The following KPNA6 variants were observed in gnomAD, a reference collection of about 807,000 sequenced individuals.
The protein encoded by KPNA6 is karyopherin subunit alpha 6, also known as importin subunit alpha-7.
Under a neutral mutation model 72.0 loss-of-function variants are expected in KPNA6, and 9 were observed. The ratio of observed to expected loss-of-function variants is 0.13; its 90% confidence interval spans 0.08 to 0.22. The LOEUF (loss-of-function observed/expected upper bound fraction) is 0.22, where lower values mean the gene tolerates loss of function less well. KPNA6 is among the 10% of genes least tolerant of loss of function. The pLI, the probability that KPNA6 is intolerant of heterozygous loss-of-function variation, is 1.00. For missense variants in KPNA6, 374 were observed against 655.7 expected (o/e 0.57, Z 4.69); for synonymous variants, 219 against 242.1 (o/e 0.90, Z 0.89).
intron 2 of KPNA6, among the ~76,000 whole-genome samples, chr1:32,156,236 C>T (rs1642140662): frequency 6.6e-6 from 1 of 152,032 alleles, no homozygotes; most frequent in Non-Finnish European, 1.5e-5. Context: ...TCAATAGTCT[C>T]CTCTTCTCTT....
At chr1:32,163,413 G>A in intron 10 of KPNA6, 100 bp downstream of exon 10, 2 of 803,098 alleles carry the variant, frequency 2.5e-6, no homozygotes, top group East Asian at 2.7e-5. Context: ...CTGTGGTCCT[G>A]ATGGGAGGCA....
At position 32,167,228 on chromosome 1, in the gene KPNA6, T is replaced by C. The variant is rs578112234; in HGVS notation, c.1176T>C (p.Phe392=). The change falls in exon 12 of 14, where the codon TTT becomes TTC. Residue 392 remains phenylalanine (F), a synonymous_variant. Coordinates refer to ENST00000373625, the MANE Select transcript of KPNA6 (RefSeq NM_012316.5). ...VLIEILQKAE[F]RTRKEAAWAI... The stretch of plus-strand genomic sequence containing the variant: ...TCGAAATCCTTCAGAAAGCAGAGTT[T>C]CGTACAAGGAAAGAGGCAGCCTGGG... 1.2e-6 allele frequency: 2 copies of C among 1,613,944 alleles called. No individual in the cohort carries two copies. The highest frequency in any genetic ancestry group is 1.7e-6 in the Non-Finnish European group (2 of 1,179,962).
rs1012749545 is a variant in KPNA6, at chr1:32,171,626, T to C, written c.*732T>C. ...GACTCTTTGCCCAGACCTCTTTAGT[T>C]TGGGGGATCCTCCTCACTCTCCTGA... On this transcript the variant is annotated 3_prime_UTR_variant, in exon 14 of 14. Coordinates refer to ENST00000373625, the MANE Select transcript of KPNA6 (RefSeq NM_012316.5). 2 of 152,104 alleles carry C rather than the reference T, an allele frequency of 1.3e-5. No individual in the cohort carries two copies. Among genetic ancestry groups the C allele is most frequent in the African/African-American group, 2.4e-5 (1 of 41,400 alleles). 9.4% of individuals were successfully genotyped at this position (152,104 alleles called of 1,614,324 possible).
chr1:32,142,367 CTTGTT>C (rs1348456914), intron 1 of KPNA6, among the ~76,000 whole-genome samples: 1 of 151,162 alleles, frequency 6.6e-6, no homozygotes, highest in Non-Finnish European at 1.5e-5. Flanking sequence ...TTCTCCCTCT[CTTGTT>C]TTAAGGACAC....
chr1:32,136,112 A>G (rs962008149), intron 1 of KPNA6, among the ~76,000 whole-genome samples: 3 of 151,894 alleles, frequency 2.0e-5, no homozygotes, highest in Non-Finnish European at 4.4e-5. Context: ...AGGGACTAAT[A>G]TGTTTTTCAA....
At chr1:32,130,310 T>C (rs1361363693) in intron 1 of KPNA6, among the ~76,000 whole-genome samples, 1 of 149,788 alleles carries the variant, frequency 6.7e-6, no homozygotes, top group Non-Finnish European at 1.5e-5. Context: ...TCACAGCTAG[T>C]AGAGAGGACA....
chr1:32,140,095 T>A (rs961958029), intron 1 of KPNA6, among the ~76,000 whole-genome samples: 1 of 152,154 alleles, frequency 6.6e-6, no homozygotes, highest in African/African-American at 2.4e-5. Flanking sequence ...TGTGGTTATA[T>A]AAGAAGAAGG....
chr1:32,127,612 G>A (rs1641557333), intron 1 of KPNA6, among the ~76,000 whole-genome samples: 1 of 152,206 alleles, frequency 6.6e-6, no homozygotes, highest in African/African-American at 2.4e-5. Context: ...GTCTGAAGAC[G>A]AGTTGTGGGT....
rs960150795 is a variant in KPNA6 at position 32,131,683 on chromosome 1, C to T, written c.5-22905C>T. 4.7e-5 allele frequency among the ~76,000 whole-genome samples: 7 copies of T among 147,990 alleles called. No individual in the cohort carries two copies. The South Asian group carries it at 1.1e-3, about 22-fold the overall frequency. On this transcript the variant is annotated intron_variant, in intron 1 of 13. Transcript: ENST00000373625. ...ACACACAACAAAGGAGTTGTGTGTG[C>T]GTGTGTATATATATATATATGTATG...
intron 1 of KPNA6, among the ~76,000 whole-genome samples, chr1:32,109,013 A>G (rs997123887): frequency 2.0e-5 from 3 of 152,286 alleles, no homozygotes; most frequent in Non-Finnish European, 4.4e-5. Flanking sequence ...ATTGCTTTAC[A>G]TGTCTTGTTT....
intron 3 of KPNA6, 131 bp downstream of exon 3, chr1:32,157,076 G>A (rs1030468930): frequency 7.5e-6 from 5 of 663,958 alleles, no homozygotes; most frequent in African/African-American, 3.6e-5. Flanking sequence ...GGACCCTTTC[G>A]TCAGCTTTAG....
At chr1:32,142,043 C>T (rs938056962) in intron 1 of KPNA6, among the ~76,000 whole-genome samples, 2 of 151,820 alleles carry the variant, frequency 1.3e-5, no homozygotes, top group East Asian at 1.9e-4. Context: ...CCAAGGCGGG[C>T]GGATCACGGA....
chr1:32,159,950 A>G (rs1014108804), intron 6 of KPNA6, among the ~76,000 whole-genome samples: 13 of 152,232 alleles, frequency 8.5e-5, no homozygotes. Context: ...CTAGTTGGAT[A>G]GAATTGGAGA....
At chr1:32,151,723 T>C (rs1422444498) in intron 1 of KPNA6, among the ~76,000 whole-genome samples, 1 of 152,216 alleles carries the variant, frequency 6.6e-6, no homozygotes, top group East Asian at 1.9e-4. Context: ...TGCATTGCTG[T>C]TGCCCGATGT....
intron 1 of KPNA6, among the ~76,000 whole-genome samples, chr1:32,139,709 T>C (rs1035887278): frequency 6.6e-6 from 1 of 152,148 alleles, no homozygotes; most frequent in Non-Finnish European, 1.5e-5. Context: ...TGATCAGATG[T>C]TGGATAATGA....
rs761333607 is a variant in KPNA6 at position 32,163,231 on chromosome 1, G to A, written c.912-4G>A. On this transcript the variant is annotated splice_region_variant and splice_polypyrimidine_tract_variant and intron_variant, in intron 9 of 13. Transcript: ENST00000373625. ...CCTTCTGATCAGATCTCCCTCCTCT[G>A]TAGGCACAATGATTACAAAGTGGCT... 5 of 1,608,910 alleles carry A rather than the reference G, an allele frequency of 3.1e-6. No homozygotes were observed. In the Admixed American group the frequency reaches 8.3e-5, roughly 27 times the overall value.
Position 32,162,506 on chromosome 1 carries a change from G to A in KPNA6, c.893G>A (p.Arg298Lys), listed in dbSNP as rs891988562. The change falls in exon 9 of 14, where the codon AGA (arginine) becomes AAA (lysine). Residue 298 changes from arginine to lysine, a missense_variant. Arg to Lys is a conservative substitution (Grantham distance 26). Transcript: ENST00000373625. ...GTCATAGACTCCGGAGTCTGCCGGA[G>A]ATTGGTAGAGCTGCTGATGTGAGTG... ...QAVIDSGVCR[R>K]LVELLMHNDY... 3.1e-6 allele frequency: 5 copies of A among 1,613,858 alleles called. No homozygotes were observed. Among genetic ancestry groups the A allele is most frequent in the Non-Finnish European group, 4.2e-6 (5 of 1,180,024 alleles).
At chr1:32,126,202 T>C (rs956060599) in intron 1 of KPNA6, among the ~76,000 whole-genome samples, 1 of 151,758 alleles carries the variant, frequency 6.6e-6, no homozygotes, top group African/African-American at 2.4e-5. Context: ...GCCCCTTTGA[T>C]TTCAGAATTC....
chr1:32,156,938 C>A lies in KPNA6; in HGVS notation c.224C>A (p.Thr75Asn). Residue 75 changes from threonine (T) to asparagine (N), a missense_variant, in exon 3 of 14, where the codon ACC becomes AAC. This residue lies in a region of KPNA6 where 298 missense variants were observed against 495.4 expected (regional missense o/e 0.60). Coordinates refer to ENST00000373625, the MANE Select transcript of KPNA6 (RefSeq NM_012316.5). ...CTCATGGACTCTTATGTGAGCTCTA[C>A]CACTGGGGTAAGGCCCCTGCATGTG... ...SLLMDSYVSS[T>N]TGESVITREM... The A allele has an allele frequency of 6.2e-7, 1 of 1,612,948 alleles. No homozygotes were observed. The highest frequency in any genetic ancestry group is 8.5e-7 in the Non-Finnish European group (1 of 1,178,996).
Sources: allele counts gnomAD v4.1 joint callset (sites outside exome capture counted in the v4.1 genomes callset), GRCh38; gene constraint gnomAD v4.1.1; regional missense constraint gnomAD v4.1.1; transcripts MANE v1.5; gene names NCBI Gene and HGNC (gene_info 2026-07-23, HGNC 2026-07-21).